The following TRIM9 variants were observed in gnomAD, a reference collection of about 807,000 sequenced individuals.
TRIM9 encodes the protein E3 ubiquitin-protein ligase TRIM9.
A neutral mutation model predicts 78.3 loss-of-function variants in TRIM9; 26 were observed. The ratio of observed to expected loss-of-function variants is 0.33; its 90% CI spans 0.24 to 0.46. The LOEUF (loss-of-function observed/expected upper bound fraction) is 0.46. Ranked by LOEUF, TRIM9 falls within the 20% of genes least tolerant of loss-of-function variation. TRIM9 has a pLI of 1.00. For synonymous variants in TRIM9, 398 were observed against 416.5 expected (o/e 0.96, Z 0.54); for missense variants, 787 against 1,036.4 (o/e 0.76, Z 3.30).
chr14:50,979,217 G>T, intron 12 of TRIM9, 170 bp downstream of exon 12: 1 of 1,466,420 alleles, frequency 6.8e-7, no homozygotes, highest in South Asian at 1.4e-5. Flanking sequence ...GCTTGGCGTG[G>T]AATAAAATAA....
intron 6 of TRIM9, among the ~76,000 whole-genome samples, chr14:51,000,277 C>T (rs1172152761): frequency 6.6e-6 from 1 of 152,104 alleles, no homozygotes; most frequent in Non-Finnish European, 1.5e-5. Flanking sequence ...AGGCAGCATG[C>T]TAAGAATTTT....
chr14:51,009,375 A>G (rs1471737623), intron 4 of TRIM9, 142 bp from the exon 5 acceptor site: 1 of 963,510 alleles, frequency 1.0e-6, no homozygotes, highest in Admixed American at 2.7e-5. Flanking sequence ...GTTGGTGAGG[A>G]ACACCCCATT....
intron 5 of TRIM9, among the ~76,000 whole-genome samples, chr14:51,004,839 T>C (rs1200038806): frequency 1.3e-5 from 2 of 152,166 alleles, no homozygotes; most frequent in East Asian, 3.8e-4. Context: ...TTAGAAATAG[T>C]GTACTGGAGG....
intron 7 of TRIM9, among the ~76,000 whole-genome samples, chr14:50,990,806 T>C (rs149646940): frequency 1.3e-5 from 2 of 152,336 alleles, no homozygotes; most frequent in African/African-American, 4.8e-5. Context: ...TGTACAGTGT[T>C]AAAGATGAGT....
At chr14:51,039,913 ATT>A (rs900891401) in intron 1 of TRIM9, among the ~76,000 whole-genome samples, 2 of 151,270 alleles carry the variant, frequency 1.3e-5, no homozygotes, top group Non-Finnish European at 2.9e-5. Context: ...CGCCCAGCTA[ATT>A]TTTTTTGTAT....
chr14:50,995,232 A>G (rs900226135), intron 7 of TRIM9, among the ~76,000 whole-genome samples: 1 of 152,144 alleles, frequency 6.6e-6, no homozygotes, highest in African/African-American at 2.4e-5. Flanking sequence ...TAATTCTCCT[A>G]TAAAAATTTT....
chr14:50,982,118 A>G lies in TRIM9; in HGVS notation c.1859-15T>C. ...AAACCAGGCCACTGGGAACAACAGA[A>G]GGGAATCAGGTTATTAAGACAGACC... On this transcript the variant is annotated splice_polypyrimidine_tract_variant and intron_variant, in intron 10 of 12. Coordinates refer to ENST00000684578, the MANE Select transcript of TRIM9 (RefSeq NM_001387360.1). 1 of 1,612,646 alleles carries G rather than the reference A, an allele frequency of 6.2e-7. No homozygotes were observed. The highest frequency in any genetic ancestry group is 1.1e-5 in the South Asian group (1 of 91,032).
intron 1 of TRIM9, among the ~76,000 whole-genome samples, chr14:51,068,413 C>T (rs1307084564): frequency 1.3e-5 from 2 of 152,162 alleles, no homozygotes; most frequent in Non-Finnish European, 2.9e-5. Context: ...ATTACAAGAT[C>T]TGTAAGATCT....
chr14:51,037,162 C>T (rs1204922331), intron 1 of TRIM9, among the ~76,000 whole-genome samples: 1 of 152,104 alleles, frequency 6.6e-6, no homozygotes, highest in Non-Finnish European at 1.5e-5. Context: ...TTACTAGTTA[C>T]TATCTCTTGG....
At chr14:50,983,944 T>A (rs1269630433) in intron 8 of TRIM9, among the ~76,000 whole-genome samples, 2 of 152,178 alleles carry the variant, frequency 1.3e-5, no homozygotes, top group East Asian at 3.8e-4. Context: ...ACATGACGAA[T>A]GTGTTAAAAC....
At chr14:50,984,481 CT>C (rs1326027952) in intron 8 of TRIM9, among the ~76,000 whole-genome samples, 1 of 152,162 alleles carries the variant, frequency 6.6e-6, no homozygotes, top group African/African-American at 2.4e-5. Context: ...CATCTCATGG[CT>C]GATTTTTATG....
At chr14:51,061,392 G>A (rs58417087) in intron 1 of TRIM9, among the ~76,000 whole-genome samples, 3,730 of 144,952 alleles carry the variant, frequency 0.026, 161 homozygotes, top group African/African-American at 0.091. Flanking sequence ...CAGCCTGGGT[G>A]ACAAAGCAAG....
At position 51,005,490 on chromosome 14, in the gene TRIM9, T is replaced by A. The variant is rs891965900; in HGVS notation, c.1306+3590A>T. On this transcript the variant is annotated intron_variant, in intron 5 of 12. Transcript: ENST00000684578. ...CTCATGAATCTTGGGATTCTTTGTG[T>A]ACTTAGACAATTCTGGGTTAATATT... is the stretch of plus-strand genomic sequence containing the variant. Among the ~76,000 whole-genome samples the A allele has an allele frequency of 1.1e-4, 16 of 152,330 alleles. No homozygotes were observed. The South Asian group carries it at 3.3e-3, about 32-fold the overall frequency.
intron 1 of TRIM9, among the ~76,000 whole-genome samples, chr14:51,079,751 T>G (rs80063331): frequency 0.12 from 18,162 of 152,180 alleles, 1,531 homozygotes; most frequent in Admixed American, 0.25. Flanking sequence ...CCAGGTGGAC[T>G]AGGTAGAGAG....
chr14:51,039,779 C>G (rs1210881229), intron 1 of TRIM9, among the ~76,000 whole-genome samples: 1 of 150,728 alleles, frequency 6.6e-6, no homozygotes, highest in African/African-American at 2.4e-5. Context: ...GGCGGAGTCT[C>G]TCTGTCACCC....
intron 1 of TRIM9, chr14:51,091,044 C>A (rs1276161595): frequency 6.6e-6 from 1 of 152,062 alleles, no homozygotes; most frequent in Non-Finnish European, 1.5e-5. Flanking sequence ...TGTTATAATT[C>A]TTTTAACAAG....
At chr14:51,019,021 A>T (rs1279063004) in intron 3 of TRIM9, among the ~76,000 whole-genome samples, 1 of 152,264 alleles carries the variant, frequency 6.6e-6, no homozygotes, top group East Asian at 1.9e-4. Context: ...TGGGCTTATC[A>T]AGAGAAAGTG....
chr14:51,034,069 G>A (rs2058950619), intron 1 of TRIM9, among the ~76,000 whole-genome samples: 1 of 152,064 alleles, frequency 6.6e-6, no homozygotes, highest in South Asian at 2.1e-4. Flanking sequence ...TTTTCAAACT[G>A]GTAATCCATG....
chr14:51,042,459 A>C (rs2139992962), intron 1 of TRIM9, among the ~76,000 whole-genome samples: 1 of 152,340 alleles, frequency 6.6e-6, no homozygotes, highest in Admixed American at 6.5e-5. Context: ...TAGCTAAACC[A>C]AAGATTTCCC....
Sources: gnomAD v4.1 joint callset for allele counts (sites outside exome capture counted in the v4.1 genomes callset) on GRCh38, gnomAD v4.1.1 for gene constraint, MANE v1.5 for transcripts, NCBI Gene and HGNC (gene_info 2026-07-23, HGNC 2026-07-21) for gene names.